Variants in AFG1L observed in about 807,000 individuals in gnomAD.
AFG1L encodes the protein AFG1 like ATPase, also known as AFG1-like ATPase.
A neutral mutation model predicts 62.2 loss-of-function variants in AFG1L; 53 were observed. The ratio of observed to expected loss-of-function variants is 0.85; its 90% CI spans 0.68 to 1.07. AFG1L has a LOEUF of 1.07. Among genes scored for constraint, AFG1L ranks in the 50% least tolerant of loss-of-function variants. AFG1L has a pLI of 0.00. For missense variants in AFG1L, 555 were observed against 590.5 expected, an observed-to-expected ratio of 0.94 and a Z score of 0.62; for synonymous variants, 228 against 210.3, an observed-to-expected ratio of 1.08 and a Z score of -0.73.
chr6:108,372,824 A>G (rs1174912651), intron 6 of AFG1L: 1 of 153,560 alleles, frequency 6.5e-6, no homozygotes, highest in Non-Finnish European at 1.5e-5. Context: ...CAGCAGGGCC[A>G]TGTACAGGAG....
At chr6:108,343,728 A>G (rs969031595) in intron 2 of AFG1L, among the ~76,000 whole-genome samples, 1 of 152,228 alleles carries the variant, frequency 6.6e-6, no homozygotes, top group Non-Finnish European at 1.5e-5. Flanking sequence ...ACAAAAAAAC[A>G]AGAAAAATTA....
chr6:108,408,806 A>C (rs1373491872), intron 7 of AFG1L, among the ~76,000 whole-genome samples: 1 of 152,234 alleles, frequency 6.6e-6, no homozygotes, highest in Non-Finnish European at 1.5e-5. Context: ...TTATAAAGGA[A>C]AAGAAGATCA....
At chr6:108,356,926 ATTATCTC>A in intron 5 of AFG1L, 106 bp downstream of exon 5, 1 of 963,402 alleles carries the variant, frequency 1.0e-6, no homozygotes, top group Non-Finnish European at 1.5e-6. Flanking sequence ...GATTTGACAC[ATTATCTC>A]TTACTGCTTC....
intron 1 of AFG1L, among the ~76,000 whole-genome samples, chr6:108,303,066 C>A (rs1777070986): frequency 6.6e-6 from 1 of 152,060 alleles, no homozygotes; most frequent in Non-Finnish European, 1.5e-5. Context: ...GTGTGAGCTG[C>A]CACACCTGGC....
intron 10 of AFG1L, 114 bp downstream of exon 10, chr6:108,477,406 T>C: frequency 1.8e-6 from 1 of 559,642 alleles, no homozygotes. Flanking sequence ...TCAGAATCGA[T>C]TTAAAAGTCT....
intron 6 of AFG1L, among the ~76,000 whole-genome samples, chr6:108,371,213 C>T (rs1779988217): frequency 6.6e-6 from 1 of 152,062 alleles, no homozygotes; most frequent in African/African-American, 2.4e-5. Context: ...TTGTGACAGT[C>T]TCACTCTGTC....
At chr6:108,481,416 C>T (rs918894949) in intron 10 of AFG1L, among the ~76,000 whole-genome samples, 43 of 152,122 alleles carry the variant, frequency 2.8e-4, no homozygotes, top group Non-Finnish European at 4.7e-4. Context: ...GTCCCCGAGA[C>T]CCTTTTAGGG....
Position 108,408,668 on chromosome 6 carries a change from C to T in AFG1L, c.807+6614C>T, listed in dbSNP as rs531725295. On this transcript the variant is annotated intron_variant, in intron 7 of 12. Transcript: ENST00000368977. ...GATTGCTGTCTTTTGCTACCTATTA[C>T]GTAATGTCTGGTATCAGCTGGTTCA... Among the ~76,000 whole-genome samples the T allele has an allele frequency of 1.6e-4, 24 of 152,232 alleles. No individual in the cohort carries two copies. The Middle Eastern group carries it at 0.01, about 65-fold the overall frequency.
At chr6:108,510,178 T>C (rs1460915013) in intron 10 of AFG1L, 34 bp from the exon 11 acceptor site, 2 of 1,558,580 alleles carry the variant, frequency 1.3e-6, no homozygotes, top group Admixed American at 3.7e-5. Context: ...AATTGGTTTA[T>C]TTTTAAGTTT....
At chr6:108,448,294 G>A (rs908664215) in intron 8 of AFG1L, among the ~76,000 whole-genome samples, 1 of 152,042 alleles carries the variant, frequency 6.6e-6, no homozygotes, top group East Asian at 1.9e-4. Flanking sequence ...ACATTTTTCT[G>A]CTTTAACTTG....
intron 7 of AFG1L, among the ~76,000 whole-genome samples, chr6:108,416,329 C>A (rs990330816): frequency 7.9e-5 from 12 of 152,146 alleles, no homozygotes; most frequent in African/African-American, 2.9e-4. Context: ...GTTGGTGGGA[C>A]TGTAAACTAG....
At chr6:108,389,704 C>T (rs1468476619) in intron 6 of AFG1L, among the ~76,000 whole-genome samples, 1 of 152,166 alleles carries the variant, frequency 6.6e-6, no homozygotes, top group East Asian at 1.9e-4. Context: ...TGAATATTGG[C>T]CCCCACTCTC....
chr6:108,429,672 C>A (rs1230584048), intron 7 of AFG1L, among the ~76,000 whole-genome samples: 1 of 152,162 alleles, frequency 6.6e-6, no homozygotes, highest in Non-Finnish European at 1.5e-5. Context: ...GTTTTGGTTA[C>A]TATAGCCTTG....
chr6:108,336,436 C>T (rs1778479856), intron 2 of AFG1L, among the ~76,000 whole-genome samples: 1 of 152,060 alleles, frequency 6.6e-6, no homozygotes, highest in Non-Finnish European at 1.5e-5. Flanking sequence ...AGGCAGAGGA[C>T]GTGCTATTTC....
At chr6:108,333,243 G>A (rs1349177664) in intron 2 of AFG1L, among the ~76,000 whole-genome samples, 2 of 151,732 alleles carry the variant, frequency 1.3e-5, no homozygotes, top group African/African-American at 4.8e-5. Context: ...AACCCCGTCT[G>A]TACTAAAAAT....
chr6:108,408,823 T>C (rs1317586039), intron 7 of AFG1L, among the ~76,000 whole-genome samples: 1 of 152,194 alleles, frequency 6.6e-6, no homozygotes, highest in Non-Finnish European at 1.5e-5. Flanking sequence ...ATCAGGTTTT[T>C]TTTCTTTTTT....
chr6:108,330,476 T>C (rs1778233792), intron 2 of AFG1L, among the ~76,000 whole-genome samples: 1 of 152,182 alleles, frequency 6.6e-6, no homozygotes, highest in African/African-American at 2.4e-5. Flanking sequence ...GCCTGGCTCA[T>C]AAATTCCTTT....
chr6:108,485,840 T>A (rs2114838610), intron 10 of AFG1L, among the ~76,000 whole-genome samples: 1 of 149,624 alleles, frequency 6.7e-6, no homozygotes, highest in East Asian at 2.0e-4. Flanking sequence ...CCCAACTGAT[T>A]TTAGTATTTT....
chr6:108,413,938 T>C (rs961590065), intron 7 of AFG1L, among the ~76,000 whole-genome samples: 3 of 150,408 alleles, frequency 2.0e-5, no homozygotes, highest in African/African-American at 7.3e-5. Context: ...CTGAAGGAGA[T>C]AGAGACACAA....
Sources: gnomAD v4.1 joint callset for allele counts (sites outside exome capture counted in the v4.1 genomes callset) on GRCh38, gnomAD v4.1.1 for gene constraint, MANE v1.5 for transcripts, NCBI Gene and HGNC (gene_info 2026-07-23, HGNC 2026-07-21) for gene names.